The following LINGO2 variants were observed in gnomAD, a reference collection of about 807,000 sequenced individuals.
LINGO2 encodes leucine rich repeat and Ig domain containing 2, also known as leucine-rich repeat and immunoglobulin-like domain-containing nogo receptor-interacting protein 2.
A neutral mutation model predicts 30.6 loss-of-function variants in LINGO2; 14 were observed. That is an observed-to-expected ratio of 0.46 (90% CI 0.30 to 0.72). LINGO2 has a LOEUF of 0.72. Among genes scored for constraint, LINGO2 ranks in the 30% least tolerant of loss-of-function variants. The probability of loss-of-function intolerance (pLI) is 0.07; values close to 1 mark genes in which losing one functional copy is unlikely to be tolerated. For synonymous variants in LINGO2, 317 were observed against 288.5 expected (o/e 1.10, Z -1.00); for missense variants, 729 against 751.7 (o/e 0.97, Z 0.35).
At chr9:28,777,618 G>A in the LINGO2 span, among the ~76,000 whole-genome samples, 3 of 152,162 alleles carry the variant, frequency 2.0e-5, no homozygotes, top group African/African-American at 7.2e-5. Flanking sequence ...ACAGGCAAAG[G>A]GTACTCTACT....
At chr9:28,544,406 C>T (rs1821841150) in intron 1 of LINGO2, among the ~76,000 whole-genome samples, 1 of 152,170 alleles carries the variant, frequency 6.6e-6, no homozygotes, top group Non-Finnish European at 1.5e-5. Flanking sequence ...TGCTGGTTAA[C>T]AGTATCTTTT....
At chr9:28,091,464 T>A (rs1422808893) in intron 4 of LINGO2, among the ~76,000 whole-genome samples, 1 of 152,162 alleles carries the variant, frequency 6.6e-6, no homozygotes. Context: ...GATTCCCTAT[T>A]TAATAAATGG....
chr9:28,888,690 T>C, the LINGO2 span, among the ~76,000 whole-genome samples: 5 of 152,132 alleles, frequency 3.3e-5, no homozygotes, highest in African/African-American at 4.8e-5. Context: ...ACACCTCAAG[T>C]AAACCTACTG....
the LINGO2 span, among the ~76,000 whole-genome samples, chr9:29,198,148 CT>C: frequency 6.6e-6 from 1 of 152,106 alleles, no homozygotes; most frequent in Non-Finnish European, 1.5e-5. Flanking sequence ...TCTAATAGTC[CT>C]CTGGAACAAT....
chr9:28,462,280 T>G (rs746678555), intron 2 of LINGO2, among the ~76,000 whole-genome samples: 31 of 151,974 alleles, frequency 2.0e-4, no homozygotes, highest in Non-Finnish European at 2.6e-4. Context: ...TCAGTTTAAA[T>G]AATACAGAAT....
intron 4 of LINGO2, among the ~76,000 whole-genome samples, chr9:28,012,917 C>G (rs1325166665): frequency 6.6e-6 from 1 of 152,188 alleles, no homozygotes; most frequent in Non-Finnish European, 1.5e-5. Flanking sequence ...GAATCACTTG[C>G]AGCGCTTGTT....
intron 4 of LINGO2, among the ~76,000 whole-genome samples, chr9:28,293,624 T>C (rs1277650310): frequency 2.0e-5 from 3 of 152,116 alleles, no homozygotes; most frequent in African/African-American, 7.2e-5. Flanking sequence ...GTCCAATTCT[T>C]CTAAATCCTT....
At chr9:28,343,538 G>A (rs766098982) in intron 3 of LINGO2, among the ~76,000 whole-genome samples, 22 of 152,244 alleles carry the variant, frequency 1.4e-4, no homozygotes, top group Admixed American at 3.3e-4. Context: ...GATAGACATC[G>A]TGATAAAAGT....
In LINGO2 at chr9:28,406,847, G is replaced by C. The variant is rs190668131; in HGVS notation, c.-278-33979C>G. On this transcript the variant is annotated intron_variant, in intron 2 of 5. Coordinates refer to ENST00000379992, the Ensembl canonical transcript of LINGO2. Reference sequence around the variant, plus strand: ...TTAATTCATTCTTCCCACCAACATTGGTCCAGGTAAAAGAAATTTCCAACT... The same window carrying C: ...TTAATTCATTCTTCCCACCAACATTCGTCCAGGTAAAAGAAATTTCCAACT... Among the ~76,000 whole-genome samples, 1,063 of 152,226 alleles carry C rather than the reference G, an allele frequency of 7.0e-3. 7 individuals carry two copies. The highest frequency in any genetic ancestry group is 0.012 in the Admixed American group (176 of 15,284).
chr9:28,684,567 C>T, the LINGO2 span, among the ~76,000 whole-genome samples: 3,592 of 150,806 alleles, frequency 0.024, 151 homozygotes, highest in African/African-American at 0.08. Flanking sequence ...TCACTGCAAC[C>T]TCTGCCTCCC....
chr9:29,196,206 T>A, the LINGO2 span, among the ~76,000 whole-genome samples: 1 of 152,048 alleles, frequency 6.6e-6, no homozygotes, highest in Non-Finnish European at 1.5e-5. Context: ...TGGAACTTAC[T>A]TACATATGCT....
chr9:28,938,390 TTC>T, the LINGO2 span, among the ~76,000 whole-genome samples: 2 of 152,206 alleles, frequency 1.3e-5, no homozygotes, highest in Non-Finnish European at 2.9e-5. Flanking sequence ...TGCTTAACAC[TTC>T]TTTCTTCAAT....
chr9:28,998,548 A>C, the LINGO2 span, among the ~76,000 whole-genome samples: 2 of 152,094 alleles, frequency 1.3e-5, no homozygotes, highest in Non-Finnish European at 2.9e-5. Context: ...CTACAAGAAA[A>C]ATTCCTTAGA....
At chr9:28,647,916 C>G (rs1249441504) in intron 1 of LINGO2, among the ~76,000 whole-genome samples, 1 of 131,534 alleles carries the variant, frequency 7.6e-6, no homozygotes, top group Admixed American at 8.0e-5. Flanking sequence ...TTTTTTACTC[C>G]TTACATAGCT....
At chr9:28,819,671 T>A in the LINGO2 span, among the ~76,000 whole-genome samples, 2 of 152,158 alleles carry the variant, frequency 1.3e-5, no homozygotes, top group Non-Finnish European at 2.9e-5. Flanking sequence ...AGACATGTTC[T>A]CTAACTTTGT....
chr9:28,120,012 C>A (rs538188790), intron 4 of LINGO2, among the ~76,000 whole-genome samples: 3 of 152,222 alleles, frequency 2.0e-5, no homozygotes, highest in East Asian at 3.9e-4. Context: ...ATAAAAAATG[C>A]ACCTTTATTT....
At position 28,013,628 on chromosome 9, in the gene LINGO2, AGTTT is replaced by A. The variant is rs1587689588; in HGVS notation, c.-86-1227_-86-1224del. On this transcript the variant is annotated intron_variant, in intron 4 of 5. Transcript: ENST00000379992. ...GCTGATAGTAAGTAGCTCTACTTTT[AGTTT>A]CTTATTGTCTACAATGGCTCTTCAT... Among the ~76,000 whole-genome samples, 3 of 152,324 alleles carry A rather than the reference AGTTT, an allele frequency of 2.0e-5. No homozygotes were observed. In the East Asian group the frequency reaches 5.8e-4, roughly 29 times the overall value.
chr9:28,974,926 T>C, the LINGO2 span, among the ~76,000 whole-genome samples: 1 of 152,134 alleles, frequency 6.6e-6, no homozygotes, highest in Admixed American at 6.6e-5. Context: ...ATTGGACAAG[T>C]CAGAATTTCT....
chr9:28,438,082 T>G (rs1824024011), intron 2 of LINGO2, among the ~76,000 whole-genome samples: 1 of 152,160 alleles, frequency 6.6e-6, no homozygotes, highest in Admixed American at 6.5e-5. Flanking sequence ...ACCAAAGGCC[T>G]AGGGCTTTCA....
Sources: gnomAD v4.1 joint callset for allele counts (sites outside exome capture counted in the v4.1 genomes callset) on GRCh38, gnomAD v4.1.1 for gene constraint, MANE v1.5 for transcripts, NCBI Gene and HGNC (gene_info 2026-07-23, HGNC 2026-07-21) for gene names.